The following KIF6 variants were observed in gnomAD, a reference collection of about 807,000 sequenced individuals.
KIF6 encodes the protein kinesin-like protein KIF6.
Under a neutral mutation model 112.7 loss-of-function variants are expected in KIF6, and 106 were observed. The observed-to-expected ratio is 0.94, with a 90% CI of 0.80 to 1.11. The LOEUF (loss-of-function observed/expected upper bound fraction) is 1.11, where lower values mean the gene tolerates loss of function less well. KIF6 is among the 50% of genes least tolerant of loss of function. The pLI is 0.00. For missense variants in KIF6, 929 were observed against 964.0 expected (o/e 0.96, Z 0.48); for synonymous variants, 339 against 339.9 (o/e 1.00, Z 0.03).
At chr6:39,612,079 C>T (rs1385269123) in intron 6 of KIF6, among the ~76,000 whole-genome samples, 1 of 152,012 alleles carries the variant, frequency 6.6e-6, no homozygotes, top group African/African-American at 2.4e-5. Flanking sequence ...ACAACTGTGA[C>T]AAAAACAAAA....
rs886664917 is a variant in KIF6, at chr6:39,467,607, G to A, written c.1646-36446C>T. On this transcript the variant is annotated intron_variant, in intron 13 of 22. Transcript: ENST00000287152. Reference sequence around the variant, plus strand: ...AACAAAATCATAGGCTAACGCTAAGGGAAATTAGACTTCACTGAGATAGTC... The same window carrying A: ...AACAAAATCATAGGCTAACGCTAAGAGAAATTAGACTTCACTGAGATAGTC... Among the ~76,000 whole-genome samples the A allele has an allele frequency of 2.3e-4, 35 of 152,110 alleles. 1 individual carries two copies. Among genetic ancestry groups the A allele is most frequent in the Non-Finnish European group, 7.4e-5 (5 of 68,012 alleles).
At chr6:39,512,413 G>A (rs1413435913) in intron 13 of KIF6, among the ~76,000 whole-genome samples, 1 of 152,160 alleles carries the variant, frequency 6.6e-6, no homozygotes, top group African/African-American at 2.4e-5. Flanking sequence ...CTCCAGTCCT[G>A]TAAGATCTGG....
intron 15 of KIF6, among the ~76,000 whole-genome samples, chr6:39,400,114 G>A (rs939150446): frequency 6.6e-6 from 1 of 152,200 alleles, no homozygotes; most frequent in Non-Finnish European, 1.5e-5. Context: ...AGCCAGGAGG[G>A]ACTTTGGCCA....
At chr6:39,347,802 C>A (rs1763923962) in intron 19 of KIF6, among the ~76,000 whole-genome samples, 1 of 152,232 alleles carries the variant, frequency 6.6e-6, no homozygotes, top group African/African-American at 2.4e-5. Context: ...CTTCCGCCTT[C>A]CGATCTCAGC....
intron 5 of KIF6, among the ~76,000 whole-genome samples, chr6:39,628,245 C>CGTGTGTGT (rs140599243): frequency 1.3e-5 from 2 of 149,040 alleles, no homozygotes; most frequent in Admixed American, 6.7e-5. Flanking sequence ...TACTCATTTA[C>CGTGTGTGT]GTGTGTGTGT....
At chr6:39,718,718 A>T (rs1790023137) in intron 2 of KIF6, 2 of 151,584 alleles carry the variant, frequency 1.3e-5, no homozygotes, top group African/African-American at 4.9e-5. Flanking sequence ...CCTGGGTGAC[A>T]GAGTGAGAAC....
intron 22 of KIF6, among the ~76,000 whole-genome samples, chr6:39,337,158 T>TC (rs1491446959): frequency 7.9e-4 from 56 of 71,210 alleles, no homozygotes; most frequent in East Asian, 5.0e-3. Flanking sequence ...CTCTTTCTTT[T>TC]CTTTCTTTCC....
intron 3 of KIF6, among the ~76,000 whole-genome samples, chr6:39,709,775 T>C: frequency 6.6e-6 from 1 of 152,138 alleles, no homozygotes; most frequent in East Asian, 1.9e-4. Context: ...TGGTCAGATT[T>C]TATGTTGGGA....
chr6:39,486,331 G>A (rs919327878), intron 13 of KIF6, among the ~76,000 whole-genome samples: 3 of 152,182 alleles, frequency 2.0e-5, no homozygotes. Flanking sequence ...GAGAGACAGA[G>A]GGAACCTGCA....
chr6:39,381,237 C>A (rs1477037420), intron 16 of KIF6, among the ~76,000 whole-genome samples: 1 of 152,154 alleles, frequency 6.6e-6, no homozygotes, highest in Admixed American at 6.5e-5. Context: ...TTCCCCACGA[C>A]AAACCCAAAC....
At chr6:39,585,260 C>T (rs1331192540) in intron 8 of KIF6, among the ~76,000 whole-genome samples, 3 of 152,212 alleles carry the variant, frequency 2.0e-5, no homozygotes, top group Non-Finnish European at 4.4e-5. Context: ...TGTTCCAACT[C>T]AGATCATCAG....
intron 5 of KIF6, chr6:39,617,788 G>C (rs1200112185): frequency 8.8e-6 from 4 of 453,766 alleles, no homozygotes; most frequent in Non-Finnish European, 1.8e-5. Flanking sequence ...GCAATGTCAA[G>C]AGCAGGTGGG....
Position 39,336,272 on chromosome 6 carries a change from A to G in KIF6, c.*260T>C, listed in dbSNP as rs1762908459. The G allele has an allele frequency of 1.9e-6, 1 of 529,950 alleles. No individual in the cohort carries two copies. The highest frequency in any genetic ancestry group is 1.9e-5 in the African/African-American group (1 of 52,190). The allele number at this position is 529,950 out of a possible 1,614,324, so 32.8% of individuals were successfully genotyped here. On this transcript the variant is annotated 3_prime_UTR_variant, in exon 23 of 23. Coordinates refer to ENST00000287152, the MANE Select transcript of KIF6 (RefSeq NM_145027.6). ...GAGCTGAAGCCTTCACCCTGCCCCT[A>G]GCACTCTGGCCTTGCCTGGCCCTGC...
At chr6:39,645,824 C>G (rs918292454) in intron 3 of KIF6, among the ~76,000 whole-genome samples, 4 of 152,050 alleles carry the variant, frequency 2.6e-5, no homozygotes, top group Non-Finnish European at 4.4e-5. Flanking sequence ...TTTGTAGGGA[C>G]ACGGATGAAG....
At chr6:39,423,422 T>C (rs963215909) in intron 14 of KIF6, among the ~76,000 whole-genome samples, 1 of 152,058 alleles carries the variant, frequency 6.6e-6, no homozygotes, top group African/African-American at 2.4e-5. Context: ...AGCCTGTTCC[T>C]TGAATGTTGA....
intron 19 of KIF6, among the ~76,000 whole-genome samples, chr6:39,356,483 T>C (rs2150249152): frequency 6.6e-6 from 1 of 152,294 alleles, no homozygotes; most frequent in South Asian, 2.1e-4. Context: ...CAGGCTAGTC[T>C]TGAACTCCTG....
At chr6:39,477,897 A>G (rs1445338302) in intron 13 of KIF6, among the ~76,000 whole-genome samples, 1 of 152,106 alleles carries the variant, frequency 6.6e-6, no homozygotes, top group African/African-American at 2.4e-5. Context: ...AATAAATTTT[A>G]TTGTATATAT....
intron 16 of KIF6, among the ~76,000 whole-genome samples, chr6:39,362,758 T>C (rs778276103): frequency 5.9e-5 from 9 of 152,144 alleles, no homozygotes; most frequent in Non-Finnish European, 1.2e-4. Flanking sequence ...AAGGGAATCT[T>C]CCTCTGTGTC....
chr6:39,657,104 G>A (rs977599380), intron 3 of KIF6, among the ~76,000 whole-genome samples: 5 of 151,788 alleles, frequency 3.3e-5, no homozygotes, highest in Admixed American at 6.6e-5. Flanking sequence ...CTGGTGGTGC[G>A]TGCCTGTAAT....
Sources: gnomAD v4.1 joint callset for allele counts (sites outside exome capture counted in the v4.1 genomes callset) on GRCh38, gnomAD v4.1.1 for gene constraint, MANE v1.5 for transcripts, NCBI Gene and HGNC (gene_info 2026-07-23, HGNC 2026-07-21) for gene names.